DIAPH2: variants seen among roughly 807,000 people sequenced by gnomAD.
DIAPH2 encodes the protein diaphanous related formin 2.
In DIAPH2, 35 loss-of-function variants were observed where a neutral mutation model predicts 92.7. That is an observed-to-expected ratio of 0.38 (90% confidence interval 0.29 to 0.50). DIAPH2 has a LOEUF of 0.50. Ranked by LOEUF, DIAPH2 falls within the 20% of genes least tolerant of loss-of-function variation. DIAPH2 has a pLI of 0.94. For missense variants in DIAPH2, 701 were observed against 819.5 expected, an observed-to-expected ratio of 0.86 and a Z score of 1.77; for synonymous variants, 301 against 280.4, an observed-to-expected ratio of 1.07 and a Z score of -0.73.
At chrX:97,166,092 G>GT (rs1475339617) in intron 22 of DIAPH2, among the ~76,000 whole-genome samples, 3 of 110,330 alleles carry the variant, frequency 2.7e-5, no homozygotes, top group Non-Finnish European at 5.7e-5. Context: ...GTAAAATATT[G>GT]TTTTTTTCTT....
intron 4 of DIAPH2, among the ~76,000 whole-genome samples, chrX:96,827,330 A>T (rs1048557344): frequency 2.7e-5 from 3 of 112,368 alleles, no homozygotes; most frequent in Non-Finnish European, 5.6e-5. Context: ...TTAGCTAAAG[A>T]TTTAAAGAGA....
intron 23 of DIAPH2, among the ~76,000 whole-genome samples, chrX:97,337,920 T>C: frequency 9.4e-6 from 1 of 106,716 alleles, no homozygotes; most frequent in Middle Eastern, 4.6e-3. Context: ...TTGCTCAGGC[T>C]GGAGTGCAGT....
At position 97,236,484 on chromosome X, in the gene DIAPH2, A is replaced by G. The variant is rs149354909; in HGVS notation, c.2720-11231A>G. 8.6e-4 allele frequency among the ~76,000 whole-genome samples: 94 copies of G among 109,720 alleles called. 1 individual carries two copies. In the East Asian group the frequency reaches 0.026, roughly 30 times the overall value. On this transcript the variant is annotated intron_variant, in intron 22 of 26. Coordinates refer to ENST00000324765, the MANE Select transcript of DIAPH2 (RefSeq NM_006729.5). ...CTTTTCACAACTTATTGAAGATACCATTTACCAGAAGTAAGGGTATATATT... is the reference window on the plus strand; with the variant it reads ...CTTTTCACAACTTATTGAAGATACCGTTTACCAGAAGTAAGGGTATATATT...
At position 97,319,781 on chromosome X, in the gene DIAPH2, A is replaced by T. The variant is rs562688119; in HGVS notation, c.2845-28335A>T. 1.4e-3 allele frequency among the ~76,000 whole-genome samples: 160 copies of T among 110,530 alleles called. No individual in the cohort carries two copies. In the Middle Eastern group the frequency reaches 0.019, roughly 13 times the overall value. Reference sequence around the variant, plus strand: ...AGTCAGTATCTGTGTAGGAAGGAATAGATGGGACATGATAAATATAATTGA... The same window carrying T: ...AGTCAGTATCTGTGTAGGAAGGAATTGATGGGACATGATAAATATAATTGA... On this transcript the variant is annotated intron_variant, in intron 23 of 26. Coordinates refer to ENST00000324765, the MANE Select transcript of DIAPH2 (RefSeq NM_006729.5).
At chrX:97,352,286 A>T (rs1026803222) in intron 24 of DIAPH2, among the ~76,000 whole-genome samples, 1 of 111,197 alleles carries the variant, frequency 9.0e-6, no homozygotes, top group African/African-American at 3.2e-5. Context: ...TCCGATAGAG[A>T]TATCCTCTAA....
At position 97,201,141 on chromosome X, in the gene DIAPH2, C is replaced by CCA. The variant is rs1556000971; in HGVS notation, c.2720-46574_2720-46573insCA. Among the ~76,000 whole-genome samples, 756 of 92,264 alleles carry CCA rather than the reference C, an allele frequency of 8.2e-3. 9 individuals carry two copies. The highest frequency in any genetic ancestry group is 0.032 in the Middle Eastern group (6 of 188). The allele number at this position is 92,264 out of a possible 115,157, so 80.1% of individuals were successfully genotyped here. A position where few individuals can be genotyped will look rare whatever the true frequency, so the allele number is the denominator to read the frequency against. On this transcript the variant is annotated intron_variant, in intron 22 of 26. Transcript: ENST00000324765. ...GCATCAACAAGAAAGACCCCCCCCC[C>CCA]AAAAAAAACCCCATCCAAAGGTCAT...
At chrX:96,933,523 T>C (rs1874465062) in intron 10 of DIAPH2, among the ~76,000 whole-genome samples, 1 of 105,537 alleles carries the variant, frequency 9.5e-6, no homozygotes, top group South Asian at 4.2e-4. Flanking sequence ...TATATATATA[T>C]GTGTGTGTAT....
At chrX:97,053,598 C>T (rs148346312) in intron 17 of DIAPH2, among the ~76,000 whole-genome samples, 61 of 111,096 alleles carry the variant, frequency 5.5e-4, no homozygotes, top group African/African-American at 1.8e-3. Context: ...TAGGGAAACA[C>T]GCTATTATAA....
At position 97,384,059 on chromosome X, in the gene DIAPH2, C is replaced by T. The variant is rs747777738; in HGVS notation, c.3145+15C>T. ...TATAAACAAAGGTATGAAAATATTTCCAATTTTTACAAAAATGCAAGAAGT... is the reference window on the plus strand; with the variant it reads ...TATAAACAAAGGTATGAAAATATTTTCAATTTTTACAAAAATGCAAGAAGT... On this transcript the variant is annotated intron_variant, in intron 25 of 26. Transcript: ENST00000324765. 9.0e-7 allele frequency: 1 copy of T among 1,115,079 alleles called. No homozygotes were observed. Among genetic ancestry groups the T allele is most frequent in the Non-Finnish European group, 1.2e-6 (1 of 834,816 alleles). The allele number at this position is 1,115,079 out of a possible 1,213,427, so 91.9% of individuals were successfully genotyped here.
At chrX:97,395,432 A>G (rs969682963) in intron 25 of DIAPH2, among the ~76,000 whole-genome samples, 1 of 111,922 alleles carries the variant, frequency 8.9e-6, no homozygotes, top group African/African-American at 3.2e-5. Flanking sequence ...CACACAATAT[A>G]CATTTACTGG....
intron 19 of DIAPH2, among the ~76,000 whole-genome samples, chrX:97,097,961 G>A (rs1030054692): frequency 8.9e-6 from 1 of 111,742 alleles, no homozygotes; most frequent in African/African-American, 3.2e-5. Flanking sequence ...CATATATGTG[G>A]TTATATCCAT....
At chrX:96,957,052 G>A (rs762534283) in intron 15 of DIAPH2, among the ~76,000 whole-genome samples, 7 of 112,365 alleles carry the variant, frequency 6.2e-5, no homozygotes, top group South Asian at 3.7e-4. Context: ...ACGGAGTCTC[G>A]CTCTGTCACC....
chrX:96,927,453 T>G (rs971608274), intron 9 of DIAPH2, among the ~76,000 whole-genome samples: 13 of 109,890 alleles, frequency 1.2e-4, no homozygotes, highest in African/African-American at 4.3e-4. Flanking sequence ...GTTTCAGAGA[T>G]TAGGCCAGAT....
chrX:96,771,317 T>C (rs2064337440), intron 4 of DIAPH2, among the ~76,000 whole-genome samples: 1 of 111,876 alleles, frequency 8.9e-6, no homozygotes, highest in Non-Finnish European at 1.9e-5. Flanking sequence ...GCATCACAAA[T>C]TCATTAGCTG....
intron 23 of DIAPH2, among the ~76,000 whole-genome samples, chrX:97,287,964 A>G (rs1427798206): frequency 1.9e-5 from 2 of 106,642 alleles, no homozygotes; most frequent in Non-Finnish European, 3.9e-5. Flanking sequence ...AAAAAAAAAA[A>G]AAAAAAAAAA....
chrX:96,755,117 C>A (rs2064218561), intron 3 of DIAPH2, among the ~76,000 whole-genome samples: 1 of 108,944 alleles, frequency 9.2e-6, no homozygotes, highest in African/African-American at 3.3e-5. Flanking sequence ...GTAAAATATC[C>A]AAATGAGAAA....
intron 24 of DIAPH2, among the ~76,000 whole-genome samples, chrX:97,360,387 G>A (rs777788111): frequency 4.8e-4 from 53 of 109,729 alleles, no homozygotes; most frequent in African/African-American, 1.7e-3. Context: ...GCCAAGGCGG[G>A]TGAATCATGA....
chrX:97,333,193 G>A (rs936293522), intron 23 of DIAPH2, among the ~76,000 whole-genome samples: 1 of 111,761 alleles, frequency 8.9e-6, no homozygotes, highest in Non-Finnish European at 1.9e-5. Flanking sequence ...ATCTCGATCC[G>A]ATTGGCTAAG....
intron 4 of DIAPH2, among the ~76,000 whole-genome samples, chrX:96,790,997 C>A (rs1193474232): frequency 8.9e-6 from 1 of 111,839 alleles, no homozygotes; most frequent in Non-Finnish European, 1.9e-5. Flanking sequence ...CTTTCTCCCC[C>A]CTTTTAGTTG....
Sources: gnomAD v4.1 joint callset for allele counts (sites outside exome capture counted in the v4.1 genomes callset) on GRCh38, gnomAD v4.1.1 for gene constraint, MANE v1.5 for transcripts, NCBI Gene and HGNC (gene_info 2026-07-23, HGNC 2026-07-21) for gene names.